The following ZNF831 variants were observed in gnomAD, a reference collection of about 807,000 sequenced individuals.
The protein encoded by ZNF831 is zinc finger protein 831.
In ZNF831, 59 loss-of-function variants were observed where a neutral mutation model predicts 95.8. That is an observed-to-expected ratio of 0.62 (90% CI 0.50 to 0.77). ZNF831 has a LOEUF of 0.77. ZNF831 is among the 30% of genes least tolerant of loss of function. The pLI is 0.00. For synonymous variants in ZNF831, 961 were observed against 925.5 expected (o/e 1.04, Z -0.70); for missense variants, 2,205 against 2,164.0 (o/e 1.02, Z -0.38).
chr20:59,186,915 G>C (rs1444983052), intron 1 of ZNF831, among the ~76,000 whole-genome samples: 1 of 151,378 alleles, frequency 6.6e-6, no homozygotes, highest in African/African-American at 2.4e-5. Flanking sequence ...TGATGTGCTG[G>C]TAAATGTTGA....
rs772184159 is a variant in ZNF831, at chr20:59,191,637, C to G, written c.618C>G (p.Ser206=). 6.4e-7 allele frequency: 1 copy of G among 1,571,750 alleles called. No individual in the cohort carries two copies. The change falls in exon 2 of 6, where the codon TCC becomes TCG. Residue 206 remains serine, a synonymous_variant. Coordinates refer to ENST00000371030, the MANE Select transcript of ZNF831 (RefSeq NM_178457.3). ...ACAACTCCCGGCTGTCCTCAGAGTC[C>G]GAGGGCGCCGGGGGCGGCCTCCTGG... ...HLNNSRLSSE[S]EGAGGGLLEE...
chr20:59,216,429 A>C (rs369621311), intron 4 of ZNF831, among the ~76,000 whole-genome samples: 13 of 152,288 alleles, frequency 8.5e-5, no homozygotes, highest in African/African-American at 3.1e-4. Context: ...TTATTGATTG[A>C]TTGACTGAGA....
chr20:59,251,142 C>A (rs1200018626), intron 4 of ZNF831, among the ~76,000 whole-genome samples: 1 of 151,976 alleles, frequency 6.6e-6, no homozygotes, highest in Non-Finnish European at 1.5e-5. Flanking sequence ...GTGTATATTT[C>A]AAAACAATGC....
intron 1 of ZNF831, among the ~76,000 whole-genome samples, chr20:59,128,365 C>T (rs1308051127): frequency 6.6e-6 from 1 of 152,234 alleles, no homozygotes; most frequent in African/African-American, 2.4e-5. Context: ...GTCTTCCCTG[C>T]TGTCCCTCCC....
rs1213265296 is a variant in ZNF831 at position 59,191,671 on chromosome 20, G to A, written c.652G>A (p.Asp218Asn). The A allele has an allele frequency of 6.4e-7, 1 of 1,559,094 alleles. No individual in the cohort carries two copies. The highest frequency in any genetic ancestry group is 8.7e-7 in the Non-Finnish European group (1 of 1,152,840). ...CGGGGGCGGCCTCCTGGAGGAAGGG[G>A]ACAAGGCCGGAGAGCCCCCCAGACC... Reference protein sequence around the residue: ...GAGGGLLEEGDKAGEPPRPEG... With the variant: ...GAGGGLLEEGNKAGEPPRPEG... The change falls in exon 2 of 6, where the codon GAC becomes AAC. Residue 218 changes from aspartate (D) to asparagine (N), a missense_variant. By Grantham distance (23) the Asp-to-Asn change is conservative (BLOSUM62 1). Coordinates refer to ENST00000371030, the MANE Select transcript of ZNF831 (RefSeq NM_178457.3).
At chr20:59,197,472 T>C (rs1984206117) in intron 3 of ZNF831, among the ~76,000 whole-genome samples, 1 of 152,134 alleles carries the variant, frequency 6.6e-6, no homozygotes, top group Admixed American at 6.6e-5. Context: ...AGCTAGTCGC[T>C]TGTCTTGGTG....
rs769949310 is a variant in ZNF831, at chr20:59,192,433, T to C, written c.1414T>C (p.Ser472Pro). ...GRRRAPGPVRSTWTPPDKSRP... is the reference protein window; with the variant it reads ...GRRRAPGPVRPTWTPPDKSRP... ...TAGGAGGGCCCCGGGCCCCGTGCGC[T>C]CCACCTGGACGCCCCCAGACAAGTC... The change falls in exon 2 of 6, where the codon TCC (serine) becomes CCC (proline). Residue 472 changes from serine to proline, a missense_variant. Ser to Pro is a moderately conservative substitution (Grantham distance 74, BLOSUM62 -1). Coordinates refer to ENST00000371030, the MANE Select transcript of ZNF831 (RefSeq NM_178457.3). The surrounding 1 kb of genome is among the most constrained non-coding windows in gnomAD (Gnocchi z 5.2). The C allele has an allele frequency of 6.2e-7, 1 of 1,608,296 alleles. No homozygotes were observed. The highest frequency in any genetic ancestry group is 8.5e-7 in the Non-Finnish European group (1 of 1,177,816).
chr20:59,197,884 G>A (rs550984506), intron 3 of ZNF831, among the ~76,000 whole-genome samples: 127 of 151,540 alleles, frequency 8.4e-4, no homozygotes, highest in Admixed American at 1.8e-3. Context: ...AAGGGACATC[G>A]GCTAGTGGTT....
At chr20:59,163,014 G>GGTGTGTGTGTGTGTGT (rs58451639), upstream of ZNF831, among the ~76,000 whole-genome samples, 1 of 136,458 alleles carries the variant, frequency 7.3e-6, no homozygotes, top group South Asian at 2.4e-4. Context: ...TGTATTCCTA[G>GGTGTGTGTGTGTGTGT]GTGTGTGTGT....
At chr20:59,136,821 G>A (rs1041621616) in intron 1 of ZNF831, among the ~76,000 whole-genome samples, 19 of 152,144 alleles carry the variant, frequency 1.2e-4, no homozygotes, top group South Asian at 4.1e-4. Flanking sequence ...ATCTGGGCAC[G>A]TGGTTACCCG....
chr20:59,134,600 C>T (rs2146438721), intron 1 of ZNF831, among the ~76,000 whole-genome samples: 3 of 152,334 alleles, frequency 2.0e-5, no homozygotes, highest in Middle Eastern at 6.8e-3. Context: ...CCAGCGGTCC[C>T]ACCATGGGCC....
intron 4 of ZNF831, among the ~76,000 whole-genome samples, chr20:59,227,702 G>A (rs1048698058): frequency 1.3e-5 from 2 of 152,114 alleles, no homozygotes; most frequent in Non-Finnish European, 2.9e-5. Context: ...CTTATATTAT[G>A]TAATAAGAAT....
chr20:59,129,968 T>C (rs1979298630), intron 1 of ZNF831, among the ~76,000 whole-genome samples: 1 of 152,150 alleles, frequency 6.6e-6, no homozygotes. Flanking sequence ...ACTCAGACCA[T>C]ATGCAGACTT....
intron 4 of ZNF831, among the ~76,000 whole-genome samples, chr20:59,226,206 G>A (rs1488858871): frequency 6.6e-6 from 1 of 152,208 alleles, no homozygotes; most frequent in East Asian, 1.9e-4. Context: ...AAGGAGAACT[G>A]AGGTGGGGCA....
intron 1 of ZNF831, among the ~76,000 whole-genome samples, chr20:59,186,781 A>C (rs1040621202): frequency 1.3e-5 from 2 of 152,058 alleles, no homozygotes; most frequent in Admixed American, 1.3e-4. Flanking sequence ...AACGTCTCAG[A>C]TTGTTTTGAA....
chr20:59,240,562 G>A (rs915723459), intron 4 of ZNF831, among the ~76,000 whole-genome samples: 1 of 152,128 alleles, frequency 6.6e-6, no homozygotes, highest in Non-Finnish European at 1.5e-5. Flanking sequence ...AGCACTTTGG[G>A]AGGCTGAGGC....
rs567484356 is a variant in ZNF831, at chr20:59,246,182, TG to T, written c.4028-6791del. On this transcript the variant is annotated intron_variant, in intron 4 of 5. Coordinates refer to ENST00000371030, the MANE Select transcript of ZNF831 (RefSeq NM_178457.3). ...GCCAGCAAGAGGCCAGGGATGGGTC[TG>T]GGGGTCTCTCCAGAGCCCTCTTCTC... 6.1e-3 allele frequency among the ~76,000 whole-genome samples: 936 copies of T among 152,284 alleles called. 7 individuals carry two copies. The highest frequency in any genetic ancestry group is 0.021 in the African/African-American group (878 of 41,552).
At chr20:59,198,179 A>G (rs1426822431) in intron 3 of ZNF831, among the ~76,000 whole-genome samples, 1 of 152,184 alleles carries the variant, frequency 6.6e-6, no homozygotes. Flanking sequence ...AGGCTTGGAG[A>G]TATCACTCCA....
chr20:59,206,105 G>A (rs372498290), intron 3 of ZNF831, among the ~76,000 whole-genome samples: 116 of 151,694 alleles, frequency 7.6e-4, no homozygotes, highest in African/African-American at 2.7e-3. Flanking sequence ...TAAATACTTC[G>A]TGTTGAAGAC....
Sources: gnomAD v4.1 joint callset for allele counts (sites outside exome capture counted in the v4.1 genomes callset) on GRCh38, gnomAD v4.1.1 for gene constraint, Gnocchi (gnomAD v3.1) non-coding constraint, MANE v1.5 for transcripts, NCBI Gene and HGNC (gene_info 2026-07-23, HGNC 2026-07-21) for gene names.